The following ATP10D variants were observed in gnomAD, a reference collection of about 807,000 sequenced individuals.
ATP10D encodes the protein ATPase phospholipid transporting 10D (putative).
A neutral mutation model predicts 144.8 loss-of-function variants in ATP10D; 89 were observed. The ratio of observed to expected loss-of-function variants is 0.61; its 90% CI spans 0.52 to 0.73. The LOEUF (loss-of-function observed/expected upper bound fraction) is 0.73, where lower values mean the gene tolerates loss of function less well. ATP10D is among the 30% of genes least tolerant of loss of function. The pLI, the probability that ATP10D is intolerant of heterozygous loss-of-function variation, is 0.00. For missense variants in ATP10D, 1,603 were observed against 1,714.8 expected (o/e 0.93, Z 1.15); for synonymous variants, 571 against 615.1 (o/e 0.93, Z 1.06).
chr4:47,504,893 G>A (rs750086652), intron 1 of ATP10D, among the ~76,000 whole-genome samples: 15 of 152,184 alleles, frequency 9.9e-5, no homozygotes, highest in Non-Finnish European at 2.1e-4. Flanking sequence ...TATTGACTAT[G>A]ATAGAGAACT....
At chr4:47,550,679 C>T (rs570584468) in intron 10 of ATP10D, among the ~76,000 whole-genome samples, 26 of 152,220 alleles carry the variant, frequency 1.7e-4, no homozygotes, top group Non-Finnish European at 2.6e-4. Flanking sequence ...CCATGGGTCA[C>T]GGAAGAGAAC....
chr4:47,582,196 G>A (rs945246081), intron 21 of ATP10D, 132 bp downstream of exon 21: 3 of 722,604 alleles, frequency 4.2e-6, no homozygotes, highest in Non-Finnish European at 7.1e-6. Context: ...GGTGATCACA[G>A]CTACTCTGGG....
At chr4:47,516,425 C>T (rs1716692310) in intron 3 of ATP10D, among the ~76,000 whole-genome samples, 1 of 152,142 alleles carries the variant, frequency 6.6e-6, no homozygotes, top group Non-Finnish European at 1.5e-5. Context: ...AGAATAAACT[C>T]AGTGAAGGTG....
At chr4:47,512,208 AT>A (rs1716371314) in intron 1 of ATP10D, among the ~76,000 whole-genome samples, 1 of 152,230 alleles carries the variant, frequency 6.6e-6, no homozygotes, top group African/African-American at 2.4e-5. Context: ...AAAACTGATG[AT>A]CAGAGAAGTT....
chr4:47,573,140 TC>T, intron 18 of ATP10D, 143 bp downstream of exon 18: 2 of 1,042,104 alleles, frequency 1.9e-6, no homozygotes, highest in Non-Finnish European at 2.8e-6. Flanking sequence ...TTGCTGTCTT[TC>T]CAGAACTAAG....
chr4:47,582,178 G>C, intron 21 of ATP10D, 114 bp downstream of exon 21: 1 of 845,662 alleles, frequency 1.2e-6, no homozygotes, highest in Non-Finnish European at 1.9e-6. Flanking sequence ...ATGAATCTAT[G>C]GGAGAAGGGT....
intron 19 of ATP10D, 143 bp downstream of exon 19, chr4:47,577,116 G>C (rs542127321): frequency 2.7e-6 from 2 of 733,774 alleles, no homozygotes; most frequent in Non-Finnish European, 4.5e-6. Flanking sequence ...TTATGTGGCA[G>C]ATATTCACTT....
rs1182587998 is a variant in ATP10D, at chr4:47,593,384, C to T, written c.*2003C>T. On this transcript the variant is annotated 3_prime_UTR_variant, in exon 23 of 23. Transcript: ENST00000273859. ...TTTGCTTAATGTAATCATTCATATACTTTGCTACAAAAATATTAATATATT... is the reference window on the plus strand; with the variant it reads ...TTTGCTTAATGTAATCATTCATATATTTTGCTACAAAAATATTAATATATT... 1.3e-5 allele frequency: 2 copies of T among 152,050 alleles called. No individual in the cohort carries two copies. Among genetic ancestry groups the T allele is most frequent in the East Asian group, 3.8e-4 (2 of 5,206 alleles). 9.4% of individuals were successfully genotyped at this position (152,050 alleles called of 1,614,324 possible). A position where few individuals can be genotyped will look rare whatever the true frequency, so the allele number is the denominator to read the frequency against.
intron 10 of ATP10D, among the ~76,000 whole-genome samples, chr4:47,550,879 G>A (rs1211183300): frequency 2.6e-5 from 4 of 152,020 alleles, no homozygotes; most frequent in African/African-American, 7.2e-5. Context: ...GACAGCGAGC[G>A]AAAGCTCAGC....
chr4:47,488,338 A>G (rs893160787), intron 1 of ATP10D, among the ~76,000 whole-genome samples: 2 of 151,914 alleles, frequency 1.3e-5, no homozygotes, highest in Non-Finnish European at 2.9e-5. Context: ...GTATTTATTA[A>G]GCTGTTACTC....
chr4:47,502,339 C>T (rs555913584), intron 1 of ATP10D, among the ~76,000 whole-genome samples: 3 of 151,922 alleles, frequency 2.0e-5, no homozygotes, highest in Admixed American at 6.5e-5. Context: ...GGCGTGGTGG[C>T]GGGCGCCTGT....
rs371369194 is a variant in ATP10D, at chr4:47,546,663, A to T, written c.1436A>T (p.Asp479Val). 321 of 1,613,988 alleles carry T rather than the reference A, an allele frequency of 2.0e-4. No homozygotes were observed. The highest frequency in any genetic ancestry group is 2.6e-4 in the Non-Finnish European group (310 of 1,179,966). ...LESYQEAVSEDEDFIDTVSGS... is the reference protein window; with the variant it reads ...LESYQEAVSEVEDFIDTVSGS... ...TCCTATCAGGAAGCTGTCTCTGAAGATGAAGATTTTATAGACACAGTCAGT... is the reference window on the plus strand; with the variant it reads ...TCCTATCAGGAAGCTGTCTCTGAAGTTGAAGATTTTATAGACACAGTCAGT... The change falls in exon 10 of 23, where the codon GAT becomes GTT. Residue 479 changes from aspartate to valine, a missense_variant. Transcript: ENST00000273859.
intron 4 of ATP10D, among the ~76,000 whole-genome samples, chr4:47,524,740 A>T (rs1717146134): frequency 6.6e-6 from 1 of 152,142 alleles, no homozygotes; most frequent in South Asian, 2.1e-4. Flanking sequence ...TTTAGTACCT[A>T]CCTCATGGAG....
chr4:47,549,020 G>A (rs906646089), intron 10 of ATP10D, among the ~76,000 whole-genome samples: 8 of 152,164 alleles, frequency 5.3e-5, no homozygotes, highest in East Asian at 1.9e-4. Context: ...GGCGAGTTAC[G>A]AGCCAGCAAG....
Position 47,546,799 on chromosome 4 carries a change from A to G in ATP10D, c.1572A>G (p.Leu524=). The G allele has an allele frequency of 6.2e-7, 1 of 1,613,652 alleles. No homozygotes were observed. The highest frequency in any genetic ancestry group is 8.5e-7 in the Non-Finnish European group (1 of 1,179,972). Residue 524 remains leucine (L), a synonymous_variant, in exon 10 of 23, where the codon CTA becomes CTG. Transcript: ENST00000273859. The stretch of plus-strand genomic sequence containing the variant: ...ATCTTGCTGGGAGCTCTTTTACTCT[A>G]GGAAGTGGAGAAGGAGCCAGTGAAG... The part of the protein sequence containing the change: ...SNHLAGSSFT[L]GSGEGASEVP...
In ATP10D at chr4:47,520,340, A is replaced by G. The variant is rs147986610; in HGVS notation, c.486-2672A>G. The stretch of plus-strand genomic sequence containing the variant: ...AGTAATCCTTCCATCTGTATTTTTC[A>G]TCTCATTCCTGTTGCTTCTCTCTAG... On this transcript the variant is annotated intron_variant, in intron 3 of 22. Transcript: ENST00000273859. Among the ~76,000 whole-genome samples the G allele has an allele frequency of 7.9e-5, 12 of 151,974 alleles. No homozygotes were observed. In the East Asian group the frequency reaches 2.1e-3, roughly 27 times the overall value.
At chr4:47,516,257 AAGG>A (rs2109403832) in intron 3 of ATP10D, among the ~76,000 whole-genome samples, 1 of 152,070 alleles carries the variant, frequency 6.6e-6, no homozygotes, top group Non-Finnish European at 1.5e-5. Flanking sequence ...AAAAAAAAAA[AAGG>A]AGGAGAATAT....
chr4:47,542,305 C>T (rs1718178105), intron 9 of ATP10D, among the ~76,000 whole-genome samples: 1 of 152,044 alleles, frequency 6.6e-6, no homozygotes, highest in South Asian at 2.1e-4. Flanking sequence ...CCATGTTTCC[C>T]AGGCTGGTCT....
At chr4:47,507,108 CAT>C (rs532738208) in intron 1 of ATP10D, among the ~76,000 whole-genome samples, 32 of 152,090 alleles carry the variant, frequency 2.1e-4, no homozygotes, top group Non-Finnish European at 4.3e-4. Context: ...AGAAATTAAA[CAT>C]AGATGAATAA....
Sources: gnomAD v4.1 joint callset for allele counts (sites outside exome capture counted in the v4.1 genomes callset) on GRCh38, gnomAD v4.1.1 for gene constraint, MANE v1.5 for transcripts, NCBI Gene and HGNC (gene_info 2026-07-23, HGNC 2026-07-21) for gene names.